Variants in HTR2C observed in about 807,000 individuals in gnomAD.
HTR2C encodes 5-hydroxytryptamine (serotonin) receptor 2C, G protein-coupled.
Under a neutral mutation model 21.0 loss-of-function variants are expected in HTR2C, and 5 were observed. That is an observed-to-expected ratio of 0.24 (90% CI 0.12 to 0.50). The LOEUF is 0.50. HTR2C is among the 20% of genes least tolerant of loss of function. The probability of loss-of-function intolerance (pLI) is 0.98; values close to 1 mark genes in which losing one functional copy is unlikely to be tolerated. For synonymous variants in HTR2C, 150 were observed against 145.3 expected (o/e 1.03, Z -0.23); for missense variants, 271 against 371.2 (o/e 0.73, Z 2.22).
At chrX:114,789,294 T>C (rs1237362344) in intron 4 of HTR2C, among the ~76,000 whole-genome samples, 1 of 111,609 alleles carries the variant, frequency 9.0e-6, no homozygotes, top group African/African-American at 3.3e-5. Flanking sequence ...CTTGTTTTGT[T>C]ACTATGTAAG....
intron 4 of HTR2C, among the ~76,000 whole-genome samples, chrX:114,835,352 C>A (rs1255933602): frequency 3.7e-5 from 4 of 107,823 alleles, no homozygotes; most frequent in African/African-American, 1.3e-4. Context: ...CCAATCAGAC[C>A]TAGATTTGGT....
intron 4 of HTR2C, among the ~76,000 whole-genome samples, chrX:114,749,506 A>G (rs1475246440): frequency 9.4e-6 from 1 of 106,728 alleles, no homozygotes; most frequent in South Asian, 4.3e-4. Context: ...TAGGAGTCTT[A>G]CAGTAGAGAG....
At chrX:114,903,120 G>T (rs1354810533) in intron 5 of HTR2C, among the ~76,000 whole-genome samples, 1 of 111,659 alleles carries the variant, frequency 9.0e-6, no homozygotes, top group Non-Finnish European at 1.9e-5. Context: ...CACACTTTGA[G>T]AACTGCTGAC....
At chrX:114,592,540 AAC>A (rs1409952927) in intron 1 of HTR2C, among the ~76,000 whole-genome samples, 4 of 111,678 alleles carry the variant, frequency 3.6e-5, no homozygotes, top group African/African-American at 1.3e-4. Context: ...TTATTAAAAA[AAC>A]ACTCTATCCC....
chrX:114,805,434 C>G (rs1410778201), intron 4 of HTR2C, among the ~76,000 whole-genome samples: 3 of 92,885 alleles, frequency 3.2e-5, no homozygotes, highest in African/African-American at 1.2e-4. Flanking sequence ...CATTTCCTGA[C>G]TTCAATTTTA....
At chrX:114,746,409 A>G (rs375848355) in intron 4 of HTR2C, among the ~76,000 whole-genome samples, 39 of 112,073 alleles carry the variant, frequency 3.5e-4, no homozygotes, top group African/African-American at 1.2e-3. Flanking sequence ...AAGGGATAAT[A>G]CATTCTGATA....
At chrX:114,650,985 C>T in intron 2 of HTR2C, among the ~76,000 whole-genome samples, 1 of 111,353 alleles carries the variant, frequency 9.0e-6, no homozygotes, top group East Asian at 2.8e-4. Flanking sequence ...AATAATAATC[C>T]ATTATATTTG....
At chrX:114,722,280 G>C (rs1295277698) in intron 2 of HTR2C, among the ~76,000 whole-genome samples, 1 of 110,859 alleles carries the variant, frequency 9.0e-6, no homozygotes, top group Non-Finnish European at 1.9e-5. Context: ...CTTTGAAGCA[G>C]TTGTGAATGG....
At chrX:114,662,953 G>C (rs1556410415) in intron 2 of HTR2C, among the ~76,000 whole-genome samples, 1 of 111,789 alleles carries the variant, frequency 8.9e-6, no homozygotes, top group African/African-American at 3.2e-5. Flanking sequence ...TCCATTGACA[G>C]AGTACTCAAT....
intron 4 of HTR2C, among the ~76,000 whole-genome samples, chrX:114,798,392 G>A (rs1327036242): frequency 2.7e-5 from 3 of 111,490 alleles, no homozygotes; most frequent in African/African-American, 9.8e-5. Flanking sequence ...CCTTGGTTAT[G>A]CCAAGAACTT....
At chrX:114,809,239 C>T (rs1185324794) in intron 4 of HTR2C, among the ~76,000 whole-genome samples, 3 of 110,448 alleles carry the variant, frequency 2.7e-5, no homozygotes, top group Non-Finnish European at 5.7e-5. Flanking sequence ...CTTCCCTTCC[C>T]TTTCATCCAG....
chrX:114,749,243 G>A (rs1426964062), intron 4 of HTR2C, among the ~76,000 whole-genome samples: 1 of 108,932 alleles, frequency 9.2e-6, no homozygotes, highest in East Asian at 2.9e-4. Context: ...GAGCCCAGGA[G>A]TTTGAGACCA....
At chrX:114,880,549 A>T (rs2071173056) in intron 5 of HTR2C, among the ~76,000 whole-genome samples, 1 of 110,693 alleles carries the variant, frequency 9.0e-6, no homozygotes, top group African/African-American at 3.3e-5. Context: ...CAAGACAAAC[A>T]TTATACCCTT....
chrX:114,685,007 T>G, intron 2 of HTR2C, among the ~76,000 whole-genome samples: 1 of 110,872 alleles, frequency 9.0e-6, no homozygotes. Context: ...TGTAGTTTGA[T>G]GCACTGAAAG....
intron 2 of HTR2C, among the ~76,000 whole-genome samples, chrX:114,639,215 C>T (rs1317887777): frequency 4.5e-5 from 5 of 111,873 alleles, no homozygotes; most frequent in Non-Finnish European, 3.8e-5. Context: ...TGTGACAAAA[C>T]AATGTGAAAT....
At chrX:114,674,869 T>TA (rs782728091) in intron 2 of HTR2C, among the ~76,000 whole-genome samples, 62 of 112,096 alleles carry the variant, frequency 5.5e-4, no homozygotes, top group Admixed American at 4.9e-3. Flanking sequence ...GTTTTCTTGA[T>TA]ACTGTATTCA....
intron 1 of HTR2C, among the ~76,000 whole-genome samples, chrX:114,596,791 G>T (rs1927866489): frequency 8.9e-6 from 1 of 112,105 alleles, no homozygotes; most frequent in Admixed American, 9.5e-5. Flanking sequence ...AATTTGTGTT[G>T]CTATAAAATA....
intron 2 of HTR2C, among the ~76,000 whole-genome samples, chrX:114,703,760 T>C (rs1191017669): frequency 9.0e-6 from 1 of 110,515 alleles, no homozygotes; most frequent in Non-Finnish European, 1.9e-5. Flanking sequence ...CAAAAAATTA[T>C]TGAATCCGGG....
chrX:114,674,456 A>G (rs1453645638), intron 2 of HTR2C, among the ~76,000 whole-genome samples: 1 of 111,633 alleles, frequency 9.0e-6, no homozygotes, highest in Admixed American at 9.6e-5. Flanking sequence ...TGCAGTAGTC[A>G]GGATATAAAG....
Sources: gnomAD v4.1 joint callset for allele counts (sites outside exome capture counted in the v4.1 genomes callset) on GRCh38, gnomAD v4.1.1 for gene constraint, MANE v1.5 for transcripts, NCBI Gene and HGNC (gene_info 2026-07-23, HGNC 2026-07-21) for gene names.